The following PPP2R2D variants were observed in gnomAD, a reference collection of about 807,000 sequenced individuals.
PPP2R2D encodes the protein protein phosphatase 2 regulatory subunit Bdelta, also known as serine/threonine-protein phosphatase 2A 55 kDa regulatory subunit B delta isoform.
A neutral mutation model predicts 31.1 loss-of-function variants in PPP2R2D; 9 were observed. The ratio of observed to expected loss-of-function variants is 0.29; its 90% CI spans 0.17 to 0.51. The LOEUF is 0.51. Ranked by LOEUF, PPP2R2D falls within the 20% of genes least tolerant of loss-of-function variation. The probability of loss-of-function intolerance (pLI) is 0.98; values close to 1 mark genes in which losing one functional copy is unlikely to be tolerated. For missense variants in PPP2R2D, 391 were observed against 465.6 expected (o/e 0.84, Z 1.48); for synonymous variants, 179 against 172.6 (o/e 1.04, Z -0.29).
At position 131,946,196 on chromosome 10, in the gene PPP2R2D, G is replaced by A. The variant is rs183080636; in HGVS notation, c.820+737G>A. Among the ~76,000 whole-genome samples, 43 of 152,380 alleles carry A rather than the reference G, an allele frequency of 2.8e-4. No homozygotes were observed. The East Asian group carries it at 6.6e-3, about 23-fold the overall frequency. ...GCCACTTCCCTTAGCTGAAAGTCTA[G>A]CATTTTAATCCAGTGAGCTTTCAAG... On this transcript the variant is annotated intron_variant, in intron 7 of 8. Transcript: ENST00000455566.
rs868929851 is a variant in PPP2R2D, at chr10:131,917,303, A to G, written c.100+15973A>G. On this transcript the variant is annotated intron_variant, in intron 2 of 8. Transcript: ENST00000455566. ...CACAGTGTTTGTAGGGACCTCAGGC[A>G]GGTGGAATGACACAGTGTAGGGACC... 3.5e-3 allele frequency among the ~76,000 whole-genome samples: 173 copies of G among 49,660 alleles called. 3 individuals are homozygous for G. Among genetic ancestry groups the G allele is most frequent in the Admixed American group, 3.8e-3 (17 of 4,466 alleles). 32.6% of individuals were successfully genotyped at this position (49,660 alleles called of 152,430 possible).
At chr10:131,923,289 C>T (rs1554894478) in intron 2 of PPP2R2D, among the ~76,000 whole-genome samples, 1 of 152,212 alleles carries the variant, frequency 6.6e-6, no homozygotes, top group Non-Finnish European at 1.5e-5. Flanking sequence ...CCGGTCAAGG[C>T]ATATCCTGCA....
Position 131,956,908 on chromosome 10 carries a change from T to C in PPP2R2D, c.*945T>C, listed in dbSNP as rs1554900112. On this transcript the variant is annotated 3_prime_UTR_variant, in exon 9 of 9. Transcript: ENST00000455566. ...TTTTGAAAAAGCACTTTGGGGAAAG[T>C]ATACTTTTTAAACATTGCTAAAATT... is the stretch of plus-strand genomic sequence containing the variant. 1 of 152,258 alleles carries C rather than the reference T, an allele frequency of 6.6e-6. No homozygotes were observed. The highest frequency in any genetic ancestry group is 2.4e-5 in the African/African-American group (1 of 41,458). 9.4% of individuals were successfully genotyped at this position (152,258 alleles called of 1,614,324 possible).
chr10:131,909,166 A>G (rs1021782219), intron 2 of PPP2R2D, among the ~76,000 whole-genome samples: 52 of 152,298 alleles, frequency 3.4e-4, no homozygotes, highest in African/African-American at 1.2e-3. Flanking sequence ...TGGACAGAGC[A>G]TGGTATGTTC....
chr10:131,921,946 A>G (rs939318736), intron 2 of PPP2R2D, among the ~76,000 whole-genome samples: 1 of 152,228 alleles, frequency 6.6e-6, no homozygotes, highest in African/African-American at 2.4e-5. Flanking sequence ...TAATATATTC[A>G]GTCAGACAGC....
intron 8 of PPP2R2D, among the ~76,000 whole-genome samples, chr10:131,950,973 G>A (rs567893626): frequency 6.6e-6 from 1 of 152,212 alleles, no homozygotes; most frequent in East Asian, 1.9e-4. Context: ...ATCCACAAAA[G>A]GATAACGAAC....
chr10:131,950,759 G>A (rs1173860301), intron 8 of PPP2R2D, among the ~76,000 whole-genome samples: 2 of 152,100 alleles, frequency 1.3e-5, no homozygotes, highest in African/African-American at 4.8e-5. Flanking sequence ...AGTTATCTGT[G>A]TTTGGGGGAG....
chr10:131,928,579 G>C (rs978584841), intron 2 of PPP2R2D, among the ~76,000 whole-genome samples: 1 of 152,186 alleles, frequency 6.6e-6, no homozygotes, highest in Admixed American at 6.5e-5. Flanking sequence ...GCTTCCTCCC[G>C]CTGCTTTCTG....
At chr10:131,918,449 TCA>T (rs2119797442) in intron 2 of PPP2R2D, among the ~76,000 whole-genome samples, 1 of 142,300 alleles carries the variant, frequency 7.0e-6, no homozygotes, top group Admixed American at 7.1e-5. Context: ...TTTAGGGACC[TCA>T]CACGGGTGGA....
chr10:131,906,128 C>G (rs2119710481), intron 2 of PPP2R2D, among the ~76,000 whole-genome samples: 2 of 152,322 alleles, frequency 1.3e-5, no homozygotes, highest in African/African-American at 4.8e-5. Context: ...TGTGATGTCA[C>G]TTTCCACATG....
At chr10:131,903,000 C>T (rs966758266) in intron 2 of PPP2R2D, among the ~76,000 whole-genome samples, 28 of 152,104 alleles carry the variant, frequency 1.8e-4, no homozygotes, top group Middle Eastern at 6.8e-3. Flanking sequence ...GGTCTGCCCA[C>T]GTCAGTCTCC....
At chr10:131,932,673 C>CACAA (rs1564818018) in intron 2 of PPP2R2D, among the ~76,000 whole-genome samples, 1 of 112,856 alleles carries the variant, frequency 8.9e-6, no homozygotes, top group Non-Finnish European at 1.8e-5. Flanking sequence ...AAAAAACACA[C>CACAA]AAAAAAAACC....
chr10:131,932,815 G>A (rs1224079999), intron 2 of PPP2R2D, among the ~76,000 whole-genome samples: 1 of 152,016 alleles, frequency 6.6e-6, no homozygotes, highest in African/African-American at 2.4e-5. Flanking sequence ...ATTTAGTTTG[G>A]GTTTAGAGAT....
At chr10:131,917,709 T>A (rs1284071058) in intron 2 of PPP2R2D, among the ~76,000 whole-genome samples, 9 of 113,524 alleles carry the variant, frequency 7.9e-5, no homozygotes, top group African/African-American at 3.2e-4. Context: ...GCGGGTGGAA[T>A]GACACAGTGT....
intron 8 of PPP2R2D, among the ~76,000 whole-genome samples, chr10:131,955,460 T>C (rs2036775248): frequency 6.6e-6 from 1 of 152,248 alleles, no homozygotes; most frequent in Non-Finnish European, 1.5e-5. Context: ...TTATTTTGTT[T>C]CTCCTGTGAC....
At chr10:131,905,916 G>A (rs901912226) in intron 2 of PPP2R2D, among the ~76,000 whole-genome samples, 100 of 152,330 alleles carry the variant, frequency 6.6e-4, no homozygotes, top group South Asian at 1.2e-3. Flanking sequence ...ACCAAGAGGC[G>A]TGTGAAAATG....
In PPP2R2D at chr10:131,957,565, G is replaced by A. The variant is rs2120068194; in HGVS notation, c.*1602G>A. On this transcript the variant is annotated 3_prime_UTR_variant, in exon 9 of 9. Coordinates refer to ENST00000455566, the MANE Select transcript of PPP2R2D (RefSeq NM_018461.5). ...CCCCCGTGCCCCTGTGGAGATGAAG[G>A]TGCGTGCTGATCCCCCATCTCCCTG... 2 of 181,116 alleles carry A rather than the reference G, an allele frequency of 1.1e-5. No individual in the cohort carries two copies. The highest frequency in any genetic ancestry group is 2.3e-5 in the Non-Finnish European group (2 of 86,224). The allele number at this position is 181,116 out of a possible 1,614,324, so 11.2% of individuals were successfully genotyped here. A position where few individuals can be genotyped will look rare whatever the true frequency, so the allele number is the denominator to read the frequency against.
downstream of PPP2R2D, among the ~76,000 whole-genome samples, chr10:131,961,990 A>C (rs556265512): frequency 6.2e-4 from 95 of 152,300 alleles, no homozygotes; most frequent in Non-Finnish European, 1.1e-3. Flanking sequence ...TGGAAGTGAG[A>C]GCCCAGCAAG....
At chr10:131,951,021 TCAA>T (rs1338386966) in intron 8 of PPP2R2D, among the ~76,000 whole-genome samples, 3 of 152,210 alleles carry the variant, frequency 2.0e-5, no homozygotes, top group Non-Finnish European at 4.4e-5. Flanking sequence ...GAATTAGTTG[TCAA>T]CAAGAAGGTG....
Sources: allele counts gnomAD v4.1 joint callset (sites outside exome capture counted in the v4.1 genomes callset), GRCh38; gene constraint gnomAD v4.1.1; transcripts MANE v1.5; gene names NCBI Gene and HGNC (gene_info 2026-07-23, HGNC 2026-07-21).